CPNE1: variants seen among roughly 807,000 people sequenced by gnomAD.
CPNE1 encodes the protein copine 1.
Under a neutral mutation model 63.2 loss-of-function variants are expected in CPNE1, and 58 were observed. The ratio of observed to expected loss-of-function variants is 0.92; its 90% CI spans 0.74 to 1.14. The LOEUF (loss-of-function observed/expected upper bound fraction) is 1.14, where lower values mean the gene tolerates loss of function less well. Among genes scored for constraint, CPNE1 ranks in the 50% most tolerant of loss-of-function variants. The pLI is 0.00. For missense variants in CPNE1, 672 were observed against 661.7 expected, an observed-to-expected ratio of 1.02 and a Z score of -0.17; for synonymous variants, 237 against 249.0, an observed-to-expected ratio of 0.95 and a Z score of 0.45.
intron 1 of CPNE1, among the ~76,000 whole-genome samples, chr20:35,657,636 G>C (rs17092945): frequency 6.6e-6 from 1 of 152,152 alleles, no homozygotes; most frequent in Non-Finnish European, 1.5e-5. Context: ...GTACACATGA[G>C]AATATGCTAT....
intron 12 of CPNE1, 115 bp from the exon 13 acceptor site, chr20:35,630,605 G>A: frequency 2.1e-6 from 3 of 1,449,106 alleles, no homozygotes; most frequent in Admixed American, 1.7e-5. Context: ...AGCACTTGCT[G>A]TCTACGTGCC....
intron 1 of CPNE1, among the ~76,000 whole-genome samples, chr20:35,660,464 C>G (rs191159592): frequency 7.9e-4 from 120 of 152,288 alleles, no homozygotes; most frequent in African/African-American, 2.7e-3. Flanking sequence ...AGTGATCCAC[C>G]CGCCTCAGCC....
chr20:35,637,533 A>C (rs1258882133), intron 1 of CPNE1, among the ~76,000 whole-genome samples: 1 of 152,088 alleles, frequency 6.6e-6, no homozygotes, highest in Non-Finnish European at 1.5e-5. Context: ...CTGCCTAGCA[A>C]ATGTCCTGTC....
At chr20:35,656,049 G>A (rs904970945) in intron 1 of CPNE1, among the ~76,000 whole-genome samples, 1 of 152,070 alleles carries the variant, frequency 6.6e-6, no homozygotes, top group African/African-American at 2.4e-5. Context: ...CTACTGAATA[G>A]GACAGCTAAA....
intron 1 of CPNE1, among the ~76,000 whole-genome samples, chr20:35,636,976 A>T (rs2207889): frequency 1.3e-5 from 2 of 151,998 alleles, no homozygotes; most frequent in Non-Finnish European, 2.9e-5. Context: ...GAACTCCATA[A>T]TTCTGTATTG....
chr20:35,654,029 C>T, intron 1 of CPNE1: 2 of 1,614,194 alleles, frequency 1.2e-6, no homozygotes, highest in Non-Finnish European at 8.5e-7. Context: ...TTCAAGTAAA[C>T]ACAAAAACCA....
intron 1 of CPNE1, among the ~76,000 whole-genome samples, chr20:35,640,938 T>C (rs1420009768): frequency 1.3e-5 from 2 of 152,142 alleles, no homozygotes; most frequent in Non-Finnish European, 2.9e-5. Flanking sequence ...GACCCTTCCA[T>C]TTGGGACTAG....
intron 1 of CPNE1, among the ~76,000 whole-genome samples, chr20:35,664,023 G>A (rs17092957): frequency 0.043 from 6,559 of 152,212 alleles, 160 homozygotes; most frequent in African/African-American, 0.072. Context: ...GGGGACCAAA[G>A]GCCTGGCATC....
rs779209102 is a variant in CPNE1 at position 35,631,482 on chromosome 20, C to T, written c.714+10G>A. 3 of 1,613,484 alleles carry T rather than the reference C, an allele frequency of 1.9e-6. No homozygotes were observed. Among genetic ancestry groups the T allele is most frequent in the Non-Finnish European group, 2.5e-6 (3 of 1,179,556 alleles). On this transcript the variant is annotated intron_variant, in intron 8 of 15. Transcript: ENST00000397443. ...CCCATTTCCACACCCCTGGCAAGAC[C>T]AGCACTCACCGGGACTGCCTGCAGC... is the stretch of plus-strand genomic sequence containing the variant.
rs931111703 is a variant in CPNE1 at position 35,630,731 on chromosome 20, G to C, written c.1050+10C>G. 1.2e-6 allele frequency: 2 copies of C among 1,613,654 alleles called. No individual in the cohort carries two copies. The highest frequency in any genetic ancestry group is 1.7e-6 in the Non-Finnish European group (2 of 1,179,592). ...TGAAAACAGGAGTGGCAGAAAGAGA[G>C]GGAGCTCACCTGCCAGTCAGGGGGA... On this transcript the variant is annotated intron_variant, in intron 12 of 15. Coordinates refer to ENST00000397443, the MANE Select transcript of CPNE1 (RefSeq NM_152925.3).
chr20:35,626,993 C>T (rs943113726), intron 14 of CPNE1, 190 bp from the exon 15 acceptor site: 1 of 626,250 alleles, frequency 1.6e-6, no homozygotes, highest in Non-Finnish European at 2.8e-6. Flanking sequence ...TTTGTGACCA[C>T]CCCAGCCAAC....
rs762223311 is a variant in CPNE1 at position 35,630,980 on chromosome 20, G to A, written c.916C>T (p.His306Tyr). The change falls in exon 11 of 16, where the codon CAC becomes TAC. Residue 306 changes from histidine (H) to tyrosine (Y), a missense_variant. Coordinates refer to ENST00000397443, the MANE Select transcript of CPNE1 (RefSeq NM_152925.3). Reference sequence around the variant, plus strand: ...TTGACCCCTGTTGGACTCAGGTAGTGTAGGGAGTCAGGTGAGGAGGGGTCT... The same window carrying A: ...TTGACCCCTGTTGGACTCAGGTAGTATAGGGAGTCAGGTGAGGAGGGGTCT... ...NGDPSSPDSL[H>Y]YLSPTGVNEY... 6 of 1,614,072 alleles carry A rather than the reference G, an allele frequency of 3.7e-6. No homozygotes were observed. The African/African-American group carries it at 5.3e-5, about 14-fold the overall frequency.
intron 1 of CPNE1, chr20:35,649,356 T>G (rs1374841258): frequency 1.3e-5 from 2 of 152,232 alleles, no homozygotes; most frequent in African/African-American, 4.8e-5. Context: ...CATCCTTGTT[T>G]TTATGCAAGG....
chr20:35,649,583 G>A (rs2033356389), intron 1 of CPNE1: 2 of 152,540 alleles, frequency 1.3e-5, no homozygotes, highest in Non-Finnish European at 2.9e-5. Context: ...TTTTTAAAAA[G>A]CCACTAATAA....
At chr20:35,653,206 G>T (rs530423209) in intron 1 of CPNE1, 17 of 1,613,388 alleles carry the variant, frequency 1.1e-5, no homozygotes, top group Middle Eastern at 1.6e-4. Context: ...AGTCAGGAAG[G>T]CATGCTCTTC....
rs775940632 is a variant in CPNE1, at chr20:35,632,592, G to C, written c.234C>G (p.Ile78Met). ...CTGGCGTCTTGTTGTCTATGTCATA[G>C]ATTCCAAAGCGTAGCTTCTGGACTG... ...FETVQKLRFG[I>M]YDIDNKTPEL... is the part of the protein sequence containing the mutation. The change falls in exon 3 of 16, where the codon ATC becomes ATG. Residue 78 changes from isoleucine to methionine, a missense_variant. Coordinates refer to ENST00000397443, the MANE Select transcript of CPNE1 (RefSeq NM_152925.3). 2.5e-6 allele frequency: 4 copies of C among 1,612,066 alleles called. No homozygotes were observed. The highest frequency in any genetic ancestry group is 2.5e-6 in the Non-Finnish European group (3 of 1,178,198).
At chr20:35,628,975 T>A (rs985863388) in intron 13 of CPNE1, among the ~76,000 whole-genome samples, 1 of 152,224 alleles carries the variant, frequency 6.6e-6, no homozygotes, top group Non-Finnish European at 1.5e-5. Context: ...CACTACAGCA[T>A]TCTCCAACAC....
At position 35,627,862 on chromosome 20, in the gene CPNE1, T is replaced by C. The variant is rs370956431; in HGVS notation, c.1103-449A>G. On this transcript the variant is annotated intron_variant, in intron 13 of 15. Transcript: ENST00000397443. ...CAATGGATGTTAAAACTAGAGAGTA[T>C]AGCCAGGCACAGTGGCATGTGCCTG... Among the ~76,000 whole-genome samples the C allele has an allele frequency of 1.4e-4, 22 of 152,170 alleles. No individual in the cohort carries two copies. In the East Asian group the frequency reaches 1.7e-3, roughly 12 times the overall value.
Position 35,632,663 on chromosome 20 carries a change from T to G in CPNE1, c.163A>C (p.Ser55Arg). 3 of 1,308,634 alleles carry G rather than the reference T, an allele frequency of 2.3e-6. No individual in the cohort carries two copies. Among genetic ancestry groups the G allele is most frequent in the Non-Finnish European group, 3.3e-6 (3 of 900,936 alleles). The allele number at this position is 1,308,634 out of a possible 1,614,324, so 81.1% of individuals were successfully genotyped here. A position where few individuals can be genotyped will look rare whatever the true frequency, so the allele number is the denominator to read the frequency against. Residue 55 changes from serine to arginine, a missense_variant, in exon 3 of 16, where the codon AGC becomes CGC. Physicochemically the swap from Ser to Arg is moderately radical, Grantham distance 110 (BLOSUM62 -1). Transcript: ENST00000397443. ...GRTERVRNCS[S>R]PEFSKTLQLE... ...TGTAGAGTCTTGGAGAACTCAGGGC[T>G]TGAGCAGTTCCGCACCCGTTCAGTC...
Sources: gnomAD v4.1 joint callset for allele counts (sites outside exome capture counted in the v4.1 genomes callset) on GRCh38, gnomAD v4.1.1 for gene constraint, MANE v1.5 for transcripts, NCBI Gene and HGNC (gene_info 2026-07-23, HGNC 2026-07-21) for gene names.